Variants in MTA2 observed in about 807,000 individuals in gnomAD.
MTA2 encodes metastasis associated 1 family member 2.
In MTA2, 22 loss-of-function variants were observed where a neutral mutation model predicts 87.1. The ratio of observed to expected loss-of-function variants is 0.25; its 90% CI spans 0.18 to 0.36. MTA2 has a LOEUF of 0.36. Among genes scored for constraint, MTA2 ranks in the 10% least tolerant of loss-of-function variants. The pLI, the probability that MTA2 is intolerant of heterozygous loss-of-function variation, is 1.00. For synonymous variants in MTA2, 314 were observed against 310.1 expected (o/e 1.01, Z -0.13); for missense variants, 542 against 853.2 (o/e 0.64, Z 4.54).
chr11:62,596,503 G>A lies in MTA2; in HGVS notation c.912C>T (p.Val304=). 6.2e-7 allele frequency: 1 copy of A among 1,614,120 alleles called. No individual in the cohort carries two copies. Among genetic ancestry groups the A allele is most frequent in the Non-Finnish European group, 8.5e-7 (1 of 1,180,004 alleles). Residue 304 remains valine, a synonymous_variant, in exon 10 of 18, where the codon GTC becomes GTT. Transcript: ENST00000278823. The stretch of plus-strand genomic sequence containing the variant: ...TGGTTTTCCACATGTAATAAAACTG[G>A]ACTATGCTGGCAAGTGACTTCCAGG... ...FLPWKSLASI[V]QFYYMWKTTD...
rs770118842 is a variant in MTA2 at position 62,600,167 on chromosome 11, G to A, written c.189C>T (p.Ala63=). Reference sequence around the variant, plus strand: ...AAAGAAAGGGAGGAAGATACTCACTGGCATTACTATCAGCCAGGCTGTTGA... The same window carrying A: ...AAAGAAAGGGAGGAAGATACTCACTAGCATTACTATCAGCCAGGCTGTTGA... ...SSLNSLADSN[A]REFEEESKQP... Residue 63 remains alanine, a splice_region_variant and synonymous_variant, in exon 3 of 18, where the codon GCC becomes GCT. Transcript: ENST00000278823. 16 of 1,612,994 alleles carry A rather than the reference G, an allele frequency of 9.9e-6. No homozygotes were observed. The highest frequency in any genetic ancestry group is 1.3e-5 in the Non-Finnish European group (15 of 1,179,052).
chr11:62,595,043 T>G lies in MTA2; in HGVS notation c.1511A>C (p.Lys504Thr). 1 of 1,614,156 alleles carries G rather than the reference T, an allele frequency of 6.2e-7. No individual in the cohort carries two copies. Among genetic ancestry groups the G allele is most frequent in the Non-Finnish European group, 8.5e-7 (1 of 1,180,024 alleles). The change falls in exon 15 of 18, where the codon AAG (lysine) becomes ACG (threonine). Residue 504 changes from lysine (K) to threonine (T), a missense_variant. Transcript: ENST00000278823. The surrounding 1 kb of genome is among the most constrained non-coding windows in gnomAD (Gnocchi z 4.9). ...CAGAGGGTGAATCTTCAATGGAGTC[T>G]TGGCGGCCTTAGGAAGTCGAATGGA... is the stretch of plus-strand genomic sequence containing the variant. ...ECSIRLPKAA[K>T]TPLKIHPLVR...
At chr11:62,594,931 GGGAAA>G in intron 15 of MTA2, 45 bp downstream of exon 15, 3 of 1,518,668 alleles carry the variant, frequency 2.0e-6, no homozygotes, top group Non-Finnish European at 2.7e-6. Context: ...ATGTCAGACA[GGGAAA>G]GGACTGGGAG....
At position 62,594,485 on chromosome 11, in the gene MTA2, C is replaced by T. The variant is rs1299687096; in HGVS notation, c.1692+31G>A. 9 of 1,613,190 alleles carry T rather than the reference C, an allele frequency of 5.6e-6. No homozygotes were observed. In the East Asian group the frequency reaches 2.0e-4, roughly 36 times the overall value. ...ATGAGAGACAAAAGCCCACCCAACT[C>T]AATCTGGCCCACCCCTTTCTGTCAA... is the stretch of plus-strand genomic sequence containing the variant. On this transcript the variant is annotated intron_variant, in intron 16 of 17. Transcript: ENST00000278823.
chr11:62,600,340 A>G, intron 2 of MTA2, 81 bp from the exon 3 acceptor site: 1 of 1,261,892 alleles, frequency 7.9e-7, no homozygotes, highest in South Asian at 1.2e-5. Context: ...ACAAAGAGAC[A>G]AATAACAGTA....
rs1328316266 is a variant in MTA2, at chr11:62,594,047, A to G, written c.1842-7T>C. The G allele has an allele frequency of 6.3e-7, 1 of 1,585,012 alleles. No homozygotes were observed. Among genetic ancestry groups the G allele is most frequent in the Non-Finnish European group, 8.6e-7 (1 of 1,167,108 alleles). ...CAGAGCCTTCCGTAGGGCCCTGGCC[A>G]GAAAGAGCAAGTGGGAAACAGAAAA... On this transcript the variant is annotated splice_polypyrimidine_tract_variant and splice_region_variant and intron_variant, in intron 17 of 17. Transcript: ENST00000278823.
chr11:62,595,181 G>A lies in MTA2; in HGVS notation c.1483+83C>T. On this transcript the variant is annotated intron_variant, in intron 14 of 17. Coordinates refer to ENST00000278823, the MANE Select transcript of MTA2 (RefSeq NM_004739.4). This position sits in a 1 kb window ranked among gnomAD's most constrained non-coding sequence, Gnocchi z 4.9. ...TTATCTGTGGCCTACTATCCCTCCTGTTATTAGACATCCAGAGAAACAACG... is the reference window on the plus strand; with the variant it reads ...TTATCTGTGGCCTACTATCCCTCCTATTATTAGACATCCAGAGAAACAACG... 6.5e-7 allele frequency: 1 copy of A among 1,547,886 alleles called. No homozygotes were observed. Among genetic ancestry groups the A allele is most frequent in the Non-Finnish European group, 8.9e-7 (1 of 1,125,222 alleles).
chr11:62,595,060 T>A lies in MTA2; in HGVS notation c.1494A>T (p.Arg498=). ...ANAIKAECSI[R]LPKAAKTPLK... is the part of the protein sequence containing the mutation. ...ATGGAGTCTTGGCGGCCTTAGGAAG[T>A]CGAATGGAGCCTGGAGAACAAAGAA... The change falls in exon 15 of 18, where the codon CGA becomes CGT. Residue 498 remains arginine (R), a synonymous_variant. Coordinates refer to ENST00000278823, the MANE Select transcript of MTA2 (RefSeq NM_004739.4). This position sits in a 1 kb window ranked among gnomAD's most constrained non-coding sequence, Gnocchi z 4.9. 6.2e-7 allele frequency: 1 copy of A among 1,614,050 alleles called. No homozygotes were observed. Among genetic ancestry groups the A allele is most frequent in the South Asian group, 1.1e-5 (1 of 91,052 alleles).
intron 15 of MTA2, 40 bp from the exon 16 acceptor site, chr11:62,594,674 C>G (rs202115391): frequency 6.4e-7 from 1 of 1,565,536 alleles, no homozygotes; most frequent in South Asian, 1.1e-5. Flanking sequence ...TTTCTTCCCA[C>G]GCAGTTCCCC....
chr11:62,597,227 C>T (rs1016948190), intron 8 of MTA2, 89 bp downstream of exon 8: 31 of 861,558 alleles, frequency 3.6e-5, no homozygotes, highest in Non-Finnish European at 4.9e-5. Context: ...CACTCCCACT[C>T]CCTCAGAGAT....
At chr11:62,594,495 C>T in intron 16 of MTA2, 21 bp downstream of exon 16, 3 of 1,613,588 alleles carry the variant, frequency 1.9e-6, no homozygotes, top group Non-Finnish European at 2.5e-6. Context: ...CAATCTGGCC[C>T]ACCCCTTTCT....
rs1355030417 is a variant in MTA2, at chr11:62,594,574, T to C, written c.1634A>G (p.Asn545Ser). The C allele has an allele frequency of 1.2e-6, 2 of 1,613,880 alleles. No individual in the cohort carries two copies. Among genetic ancestry groups the C allele is most frequent in the South Asian group, 2.2e-5 (2 of 91,080 alleles). The change falls in exon 16 of 18, where the codon AAC becomes AGC. Residue 545 changes from asparagine to serine, a missense_variant. By Grantham distance (46) the Asn-to-Ser change is conservative. Coordinates refer to ENST00000278823, the MANE Select transcript of MTA2 (RefSeq NM_004739.4). ...CAGTCCCCGGTTCTGGGACAGCTGG[T>C]TTCTGTTGATCGGTGTCTTGGTACC... Reference protein sequence around the residue: ...PRGTKTPINRNQLSQNRGLGG... With the variant: ...PRGTKTPINRSQLSQNRGLGG...
Position 62,593,767 on chromosome 11 carries a change from C to T in MTA2, c.*108G>A, listed in dbSNP as rs1461933127. On this transcript the variant is annotated 3_prime_UTR_variant, in exon 18 of 18. Transcript: ENST00000278823. ...CCAGGGACACACACTCACTTGCTCTCTTCCTTAATTCACTCCTCACTCCCT... is the reference window on the plus strand; with the variant it reads ...CCAGGGACACACACTCACTTGCTCTTTTCCTTAATTCACTCCTCACTCCCT... 1.4e-6 allele frequency: 2 copies of T among 1,406,906 alleles called. No individual in the cohort carries two copies. Among genetic ancestry groups the T allele is most frequent in the Non-Finnish European group, 9.7e-7 (1 of 1,027,920 alleles). 87.2% of individuals were successfully genotyped at this position (1,406,906 alleles called of 1,614,324 possible). A position where few individuals can be genotyped will look rare whatever the true frequency, so the allele number is the denominator to read the frequency against.
Position 62,601,403 on chromosome 11 carries a change from T to G in MTA2, c.28+20A>C. The G allele has an allele frequency of 6.2e-7, 1 of 1,609,714 alleles. No individual in the cohort carries two copies. Among genetic ancestry groups the G allele is most frequent in the Non-Finnish European group, 8.5e-7 (1 of 1,178,248 alleles). The stretch of plus-strand genomic sequence containing the variant: ...AACCTCTCCCGCCCCGGGCCCCGTA[T>G]CCCTGCGCCCGGTACTCACCTCCCA... On this transcript the variant is annotated intron_variant, in intron 1 of 17. Coordinates refer to ENST00000278823, the MANE Select transcript of MTA2 (RefSeq NM_004739.4).
chr11:62,597,360 T>C lies in MTA2; in HGVS notation c.649A>G (p.Ser217Gly). ...GCAGCAGCTGCACTCATGTGCAAGC[T>C]TGGCTGCCGAATGGAGCTGCTACAA... ...LDCSSSIRQP[S>G]LHMSAAAASR... The change falls in exon 8 of 18, where the codon AGC becomes GGC. Residue 217 changes from serine (S) to glycine (G), a missense_variant. Ser to Gly is a moderately conservative substitution (Grantham distance 56). Coordinates refer to ENST00000278823, the MANE Select transcript of MTA2 (RefSeq NM_004739.4). The C allele has an allele frequency of 6.2e-7, 1 of 1,612,050 alleles. No homozygotes were observed. Among genetic ancestry groups the C allele is most frequent in the Non-Finnish European group, 8.5e-7 (1 of 1,179,404 alleles).
chr11:62,599,268 G>A (rs987180274), intron 3 of MTA2: 1 of 153,514 alleles, frequency 6.5e-6, no homozygotes, highest in Non-Finnish European at 1.4e-5. Flanking sequence ...CTCAGCCCCA[G>A]GCTCATTGGT....
Position 62,595,974 on chromosome 11 carries a change from AC to A in MTA2, c.1114+35del. 6.2e-7 allele frequency: 1 copy of A among 1,613,910 alleles called. No individual in the cohort carries two copies. The highest frequency in any genetic ancestry group is 8.5e-7 in the Non-Finnish European group (1 of 1,179,868). ...ATTCTTGAGCCACAGCAGGCCTTCC[AC>A]CCATCCCCACCATCCCAGTGCCCCC... is the stretch of plus-strand genomic sequence containing the variant. On this transcript the variant is annotated intron_variant, in intron 12 of 17. Transcript: ENST00000278823. This position sits in a 1 kb window ranked among gnomAD's most constrained non-coding sequence, Gnocchi z 4.9.
intron 15 of MTA2, 110 bp from the exon 16 acceptor site, chr11:62,594,744 G>A: frequency 9.7e-7 from 1 of 1,033,050 alleles, no homozygotes; most frequent in Non-Finnish European, 1.5e-6. Flanking sequence ...CCCAAAAGTA[G>A]CAATGGGGGA....
intron 7 of MTA2, 40 bp from the exon 8 acceptor site, chr11:62,597,455 C>G: frequency 1.3e-6 from 2 of 1,585,462 alleles, no homozygotes; most frequent in Non-Finnish European, 1.7e-6. Flanking sequence ...AAAGAAAAGT[C>G]AAAAGCCCAA....
Sources: gnomAD v4.1 joint callset for allele counts on GRCh38, gnomAD v4.1.1 for gene constraint, Gnocchi (gnomAD v3.1) non-coding constraint, MANE v1.5 for transcripts, NCBI Gene and HGNC (gene_info 2026-07-23, HGNC 2026-07-21) for gene names.